The following PLCG2 variants were observed in gnomAD, a reference collection of about 807,000 sequenced individuals.
The protein encoded by PLCG2 is phospholipase C gamma 2, also known as 1-phosphatidylinositol 4,5-bisphosphate phosphodiesterase gamma-2.
Under a neutral mutation model 175.6 loss-of-function variants are expected in PLCG2, and 69 were observed. That is an observed-to-expected ratio of 0.39 (90% CI 0.32 to 0.48). The LOEUF is 0.48. Among genes scored for constraint, PLCG2 ranks in the 20% least tolerant of loss-of-function variants. The probability of loss-of-function intolerance (pLI) is 0.91; values close to 1 mark genes in which losing one functional copy is unlikely to be tolerated. For missense variants in PLCG2, 1,798 were observed against 1,650.9 expected, an observed-to-expected ratio of 1.09 and a Z score of -1.54; for synonymous variants, 827 against 624.0, an observed-to-expected ratio of 1.33 and a Z score of -4.85.
chr16:81,949,980 C>T (rs1355870857), intron 31 of PLCG2, among the ~76,000 whole-genome samples: 1 of 152,054 alleles, frequency 6.6e-6, no homozygotes, highest in African/African-American at 2.4e-5. Context: ...CATTGTTAGA[C>T]TGAGGGTAAC....
chr16:81,837,688 T>G lies in PLCG2; in HGVS notation c.194-16756T>G, dbSNP rs549098168. ...ATCTGTTTGGTACCAACATGTGTTT[T>G]TTTTTTTTTTTTTTCTCCTTGATGC... On this transcript the variant is annotated intron_variant, in intron 2 of 32. Transcript: ENST00000564138. 6.7e-3 allele frequency among the ~76,000 whole-genome samples: 1,016 copies of G among 152,036 alleles called. 4 individuals are homozygous for G. The highest frequency in any genetic ancestry group is 0.011 in the Non-Finnish European group (715 of 67,928).
rs139592357 is a variant in PLCG2, at chr16:81,762,314, A to G, written c.-48+6348A>G. 2.0e-3 allele frequency among the ~76,000 whole-genome samples: 309 copies of G among 152,138 alleles called. 2 individuals carry two copies. Among genetic ancestry groups the G allele is most frequent in the African/African-American group, 7.0e-3 (292 of 41,530 alleles). On this transcript the variant is annotated intron_variant, in intron 2 of 5. Transcript: ENST00000565054. ...CTGGGCATGGTGGCTCACGCCTGTA[A>G]TCCCAGCACTTTGGGAGGTCAAGGT...
chr16:81,881,103 C>A (rs987333420), intron 8 of PLCG2, 150 bp downstream of exon 8: 9 of 723,466 alleles, frequency 1.2e-5, no homozygotes, highest in Non-Finnish European at 2.2e-5. Context: ...CCATCCCATG[C>A]CTGTGGCGTG....
At chr16:81,788,545 A>G (rs1345646622) in intron 2 of PLCG2, among the ~76,000 whole-genome samples, 1 of 152,202 alleles carries the variant, frequency 6.6e-6, no homozygotes, top group African/African-American at 2.4e-5. Context: ...AGCACCCCAC[A>G]AAAGAGGTTG....
At chr16:81,802,316 G>C (rs892155828) in intron 2 of PLCG2, among the ~76,000 whole-genome samples, 10 of 150,630 alleles carry the variant, frequency 6.6e-5, no homozygotes. Flanking sequence ...GTTTCACCGT[G>C]TTAGCCAGGA....
intron 14 of PLCG2, among the ~76,000 whole-genome samples, chr16:81,901,417 C>T (rs900328800): frequency 5.9e-5 from 9 of 152,290 alleles, no homozygotes; most frequent in South Asian, 2.1e-4. Flanking sequence ...CTTCCCCATG[C>T]GAGGGAGAAT....
chr16:81,945,562 A>G (rs889930604), intron 30 of PLCG2, among the ~76,000 whole-genome samples: 2 of 152,236 alleles, frequency 1.3e-5, no homozygotes, highest in Non-Finnish European at 2.9e-5. Flanking sequence ...GTGTTGCCTT[A>G]AACATTACTG....
intron 11 of PLCG2, 22 bp downstream of exon 11, chr16:81,891,612 G>C (rs1225169071): frequency 5.9e-6 from 8 of 1,365,082 alleles, no homozygotes; most frequent in South Asian, 1.2e-5. Context: ...ATGAGCCTGT[G>C]ATGGGTTGGG....
chr16:81,784,073 G>A (rs1910863730), intron 1 of PLCG2, among the ~76,000 whole-genome samples: 1 of 152,164 alleles, frequency 6.6e-6, no homozygotes, highest in Non-Finnish European at 1.5e-5. Flanking sequence ...AACTACATTA[G>A]AATTCTCAGT....
At chr16:81,897,523 C>T (rs9932555) in intron 13 of PLCG2, among the ~76,000 whole-genome samples, 95,678 of 149,914 alleles carry the variant, frequency 0.64, 30,627 homozygotes, top group East Asian at 0.78. Flanking sequence ...ATTATTTTTT[C>T]TCTTTTTTTC....
intron 1 of PLCG2, among the ~76,000 whole-genome samples, chr16:81,750,442 A>T (rs1200929734): frequency 6.8e-6 from 1 of 146,604 alleles, no homozygotes; most frequent in Admixed American, 6.9e-5. Context: ...AAAAAAAAAA[A>T]TCCAGCACAG....
intron 2 of PLCG2, among the ~76,000 whole-genome samples, chr16:81,812,226 T>C (rs1904350811): frequency 6.6e-6 from 1 of 151,974 alleles, no homozygotes; most frequent in African/African-American, 2.4e-5. Context: ...ATTTTTTGTA[T>C]TTTTAGTAGA....
intron 2 of PLCG2, among the ~76,000 whole-genome samples, chr16:81,791,833 G>C (rs1051887519): frequency 1.4e-4 from 22 of 152,264 alleles, no homozygotes; most frequent in African/African-American, 5.3e-4. Context: ...CCAAAGTGCT[G>C]GGATTACAGG....
chr16:81,920,954 C>T (rs942326004), intron 20 of PLCG2, among the ~76,000 whole-genome samples: 4 of 152,144 alleles, frequency 2.6e-5, no homozygotes, highest in South Asian at 2.1e-4. Flanking sequence ...TACAAAGGAA[C>T]GCAGTGCCTG....
chr16:81,757,583 A>C (rs1431571478), intron 2 of PLCG2, among the ~76,000 whole-genome samples: 1 of 152,102 alleles, frequency 6.6e-6, no homozygotes, highest in Non-Finnish European at 1.5e-5. Context: ...AAAAGACAAG[A>C]AAAAAGAAAA....
chr16:81,882,962 C>G (rs574772828), intron 8 of PLCG2, among the ~76,000 whole-genome samples: 2 of 152,260 alleles, frequency 1.3e-5, no homozygotes, highest in South Asian at 4.1e-4. Flanking sequence ...ACCTGTCTTC[C>G]CCATGGCCAC....
chr16:81,910,940 C>G (rs1360310472), intron 18 of PLCG2, among the ~76,000 whole-genome samples: 5 of 152,152 alleles, frequency 3.3e-5, no homozygotes, highest in African/African-American at 1.2e-4. Context: ...TCTCTTTTCC[C>G]TTTCTTCTAC....
At chr16:81,916,370 A>C (rs147007515) in intron 19 of PLCG2, among the ~76,000 whole-genome samples, 1 of 152,168 alleles carries the variant, frequency 6.6e-6, no homozygotes, top group Non-Finnish European at 1.5e-5. Context: ...ATAGTGCAAA[A>C]AATGCCTTTT....
chr16:81,816,962 T>A (rs914031081), intron 2 of PLCG2, among the ~76,000 whole-genome samples: 1 of 152,164 alleles, frequency 6.6e-6, no homozygotes. Context: ...TGGGCTTTTT[T>A]TCCTATGCCC....
Sources: gnomAD v4.1 joint callset for allele counts (sites outside exome capture counted in the v4.1 genomes callset) on GRCh38, gnomAD v4.1.1 for gene constraint, MANE v1.5 for transcripts, NCBI Gene and HGNC (gene_info 2026-07-23, HGNC 2026-07-21) for gene names.